SNX29: variants seen among roughly 807,000 people sequenced by gnomAD.
SNX29 encodes the protein sorting nexin-29.
A neutral mutation model predicts 102.1 loss-of-function variants in SNX29; 78 were observed. That is an observed-to-expected ratio of 0.76 (90% confidence interval 0.64 to 0.92). The LOEUF is 0.92. Ranked by LOEUF, SNX29 falls within the 40% of genes least tolerant of loss-of-function variation. The probability of loss-of-function intolerance (pLI) is 0.00; values close to 1 mark genes in which losing one functional copy is unlikely to be tolerated. For synonymous variants in SNX29, 580 were observed against 414.5 expected (o/e 1.40, Z -4.85); for missense variants, 1,280 against 1,061.7 (o/e 1.21, Z -2.86).
At chr16:12,568,150 A>T (rs1040360698) in intron 20 of SNX29, among the ~76,000 whole-genome samples, 1 of 152,152 alleles carries the variant, frequency 6.6e-6, no homozygotes, top group African/African-American at 2.4e-5. Context: ...CCTTGGACTT[A>T]GAAGCGTACC....
At chr16:12,043,319 G>A (rs1165694707) in intron 5 of SNX29, among the ~76,000 whole-genome samples, 2 of 151,846 alleles carry the variant, frequency 1.3e-5, no homozygotes, top group African/African-American at 4.8e-5. Context: ...GGAGAGAGCT[G>A]TTGTCTTAGG....
rs2079147437 is a variant in SNX29, at chr16:12,569,791, TCAGATGCTCAG to T, written c.*1165_*1175del. On this transcript the variant is annotated 3_prime_UTR_variant, in exon 21 of 21. Coordinates refer to ENST00000566228, the MANE Select transcript of SNX29 (RefSeq NM_032167.5). The stretch of plus-strand genomic sequence containing the variant: ...GCACCTCACAGAGCAATAGCCGTCC[TCAGATGCTCAG>T]CAAAGTTGTGGCAGTTTGCATTTCT... 1.7e-5 allele frequency: 4 copies of T among 230,220 alleles called. No individual in the cohort carries two copies. The South Asian group carries it at 7.3e-4, about 42-fold the overall frequency. 14.3% of individuals were successfully genotyped at this position (230,220 alleles called of 1,614,324 possible). A position where few individuals can be genotyped will look rare whatever the true frequency, so the allele number is the denominator to read the frequency against.
At chr16:12,017,968 C>T (rs1407984760) in intron 3 of SNX29, among the ~76,000 whole-genome samples, 1 of 151,964 alleles carries the variant, frequency 6.6e-6, no homozygotes, top group Non-Finnish European at 1.5e-5. Flanking sequence ...TGCAATGGCG[C>T]GATCTTGGCT....
intron 18 of SNX29, among the ~76,000 whole-genome samples, chr16:12,460,771 C>T (rs1453139380): frequency 6.6e-6 from 1 of 151,930 alleles, no homozygotes; most frequent in African/African-American, 2.4e-5. Context: ...AATTCTCCAG[C>T]CTCAACCTCC....
intron 19 of SNX29, among the ~76,000 whole-genome samples, chr16:12,510,614 A>G (rs1422065488): frequency 6.6e-6 from 1 of 152,026 alleles, no homozygotes; most frequent in East Asian, 1.9e-4. Context: ...CAGAGGTTGC[A>G]GTGAGCCGAG....
intron 20 of SNX29, among the ~76,000 whole-genome samples, chr16:12,553,390 T>C (rs1238186118): frequency 6.6e-6 from 1 of 152,114 alleles, no homozygotes; most frequent in African/African-American, 2.4e-5. Context: ...AAGTTGAACA[T>C]ATAAGTAGTT....
At chr16:12,468,169 CTTTTTTTTTT>C (rs59089512) in intron 18 of SNX29, among the ~76,000 whole-genome samples, 2 of 92,702 alleles carry the variant, frequency 2.2e-5, no homozygotes, top group Non-Finnish European at 2.1e-5. Context: ...ACTCTGACTC[CTTTTTTTTTT>C]TTTTTTTTTT....
chr16:12,553,940 G>C (rs1057026387), intron 20 of SNX29, among the ~76,000 whole-genome samples: 10 of 152,130 alleles, frequency 6.6e-5, no homozygotes, highest in Non-Finnish European at 1.5e-4. Flanking sequence ...CAATTCTCCT[G>C]CCTCAGCCAC....
chr16:12,441,847 G>A (rs2085821866), intron 18 of SNX29, among the ~76,000 whole-genome samples: 1 of 152,136 alleles, frequency 6.6e-6, no homozygotes, highest in South Asian at 2.1e-4. Flanking sequence ...GGCGTGCAGT[G>A]GCGTGATCTC....
intron 15 of SNX29, among the ~76,000 whole-genome samples, chr16:12,337,005 T>A (rs1020741761): frequency 4.6e-5 from 7 of 152,304 alleles, no homozygotes; most frequent in Admixed American, 2.0e-4. Flanking sequence ...GCAGAGGGAC[T>A]GGGCATCATT....
chr16:11,995,327 A>T (rs1453334133), intron 1 of SNX29, among the ~76,000 whole-genome samples: 1 of 152,006 alleles, frequency 6.6e-6, no homozygotes, highest in Non-Finnish European at 1.5e-5. Flanking sequence ...TGGCCCCCCA[A>T]AGTTGCTGGG....
rs1356895705 is a variant in SNX29, at chr16:12,572,204, C to G, written c.*3575C>G. 1.0e-6 allele frequency: 1 copy of G among 980,502 alleles called. No homozygotes were observed. 60.7% of individuals were successfully genotyped at this position (980,502 alleles called of 1,614,324 possible). ...TAGAACCATGGCAGGTAGTATTGTG[C>G]TTTAAAAACCAGAGGCTCCTGAAAG... On this transcript the variant is annotated 3_prime_UTR_variant, in exon 21 of 21. Transcript: ENST00000566228.
Position 12,494,838 on chromosome 16 carries a change from C to T in SNX29, c.2178+16979C>T, listed in dbSNP as rs537584059. ...CTTAGCTCTCCGCTGTGAGCTGGGC[C>T]GCCTTTTTCCTATCCGCAGAAAATA... On this transcript the variant is annotated intron_variant, in intron 19 of 20. Coordinates refer to ENST00000566228, the MANE Select transcript of SNX29 (RefSeq NM_032167.5). 5.9e-5 allele frequency among the ~76,000 whole-genome samples: 9 copies of T among 152,296 alleles called. No individual in the cohort carries two copies. In the South Asian group the frequency reaches 8.3e-4, roughly 14 times the overall value.
At chr16:12,048,994 G>A (rs1173970547) in intron 7 of SNX29, among the ~76,000 whole-genome samples, 2 of 152,206 alleles carry the variant, frequency 1.3e-5, no homozygotes, top group Non-Finnish European at 2.9e-5. Flanking sequence ...GTAGCCTGCA[G>A]TCTCCTTTGG....
At chr16:12,441,430 G>A (rs2085803329) in intron 18 of SNX29, among the ~76,000 whole-genome samples, 1 of 151,858 alleles carries the variant, frequency 6.6e-6, no homozygotes, top group Admixed American at 6.6e-5. Flanking sequence ...TCATTGTTTG[G>A]GTAGATCACA....
chr16:12,539,520 G>A (rs1209710121), intron 20 of SNX29, among the ~76,000 whole-genome samples: 2 of 152,166 alleles, frequency 1.3e-5, no homozygotes, highest in South Asian at 2.1e-4. Context: ...CCAGTTGTTG[G>A]CAATTTTGAA....
intron 15 of SNX29, among the ~76,000 whole-genome samples, chr16:12,325,664 A>G (rs2081091047): frequency 1.3e-5 from 2 of 152,096 alleles, no homozygotes; most frequent in Non-Finnish European, 2.9e-5. Context: ...CATCTTGGCA[A>G]TTTCTGAGAA....
At chr16:12,056,166 G>A (rs1321338970) in intron 8 of SNX29, among the ~76,000 whole-genome samples, 2 of 152,234 alleles carry the variant, frequency 1.3e-5, no homozygotes, top group Non-Finnish European at 1.5e-5. Flanking sequence ...GCAGGCATGA[G>A]CCTCTGCACC....
chr16:12,328,109 C>T (rs1326993934), intron 15 of SNX29, among the ~76,000 whole-genome samples: 1 of 152,184 alleles, frequency 6.6e-6, no homozygotes, highest in African/African-American at 2.4e-5. Context: ...GCTGCACATA[C>T]CTCTCCCTTG....
Sources: gnomAD v4.1 joint callset for allele counts (sites outside exome capture counted in the v4.1 genomes callset) on GRCh38, gnomAD v4.1.1 for gene constraint, MANE v1.5 for transcripts, NCBI Gene and HGNC (gene_info 2026-07-23, HGNC 2026-07-21) for gene names.